The following NRG4 variants were observed in gnomAD, a reference collection of about 807,000 sequenced individuals.
The protein encoded by NRG4 is pro-neuregulin-4, membrane-bound isoform.
A neutral mutation model predicts 15.0 loss-of-function variants in NRG4; 10 were observed. That is an observed-to-expected ratio of 0.67 (90% CI 0.41 to 1.13). The LOEUF (loss-of-function observed/expected upper bound fraction) is 1.13. Among genes scored for constraint, NRG4 ranks in the 50% most tolerant of loss-of-function variants. The probability of loss-of-function intolerance (pLI) is 0.00; values close to 1 mark genes in which losing one functional copy is unlikely to be tolerated. For synonymous variants in NRG4, 41 were observed against 50.1 expected, an observed-to-expected ratio of 0.82 and a Z score of 0.77; for missense variants, 139 against 140.2, an observed-to-expected ratio of 0.99 and a Z score of 0.04.
intron 5 of NRG4, among the ~76,000 whole-genome samples, chr15:75,943,924 G>A (rs1304114369): frequency 1.3e-5 from 2 of 149,268 alleles, no homozygotes; most frequent in African/African-American, 5.0e-5. Flanking sequence ...GCCCCTCACT[G>A]TCTTTGCTCA....
At chr15:75,936,328 G>A (rs1341594793), downstream of NRG4, 1 of 152,140 alleles carries the variant, frequency 6.6e-6, no homozygotes, top group African/African-American at 2.4e-5. Flanking sequence ...AATAAAATAA[G>A]CATTAGTAAT....
At chr15:75,996,202 A>T (rs1382130331) in intron 3 of NRG4, among the ~76,000 whole-genome samples, 2 of 152,164 alleles carry the variant, frequency 1.3e-5, no homozygotes, top group Non-Finnish European at 2.9e-5. Context: ...AAGAATGCTT[A>T]CTTTAGACAC....
chr15:75,994,370 T>G (rs60841857), intron 3 of NRG4, among the ~76,000 whole-genome samples: 3,233 of 152,280 alleles, frequency 0.021, 136 homozygotes, highest in African/African-American at 0.074. Flanking sequence ...CTGTGGTGAC[T>G]GCCTGCATGT....
At chr15:76,050,818 T>G (rs1259983750) in intron 4 of NRG4, among the ~76,000 whole-genome samples, 2 of 147,870 alleles carry the variant, frequency 1.4e-5, no homozygotes, top group East Asian at 1.9e-4. Flanking sequence ...ATTTTTTTTT[T>G]TTTAAGATAT....
intron 3 of NRG4, among the ~76,000 whole-genome samples, chr15:75,964,813 C>T (rs905987939): frequency 2.6e-4 from 40 of 152,108 alleles, no homozygotes; most frequent in African/African-American, 9.4e-4. Context: ...GTAGTCACAA[C>T]TACTCAGGAG....
chr15:75,948,847 G>C (rs1315993909), intron 5 of NRG4, among the ~76,000 whole-genome samples: 1 of 152,100 alleles, frequency 6.6e-6, no homozygotes, highest in Non-Finnish European at 1.5e-5. Flanking sequence ...CCAGGAGTTT[G>C]AGACTAGCCT....
chr15:75,992,242 T>A (rs1005487762), intron 3 of NRG4, among the ~76,000 whole-genome samples: 1 of 152,198 alleles, frequency 6.6e-6, no homozygotes, highest in Admixed American at 6.5e-5. Context: ...GTACTCATTA[T>A]GTACCTCACC....
intron 3 of NRG4, among the ~76,000 whole-genome samples, chr15:75,988,228 C>G (rs1279891988): frequency 1.3e-5 from 2 of 152,162 alleles, no homozygotes; most frequent in Admixed American, 6.5e-5. Context: ...CTCTGTCACC[C>G]AGGCTGGAGT....
At chr15:75,992,938 A>T (rs1413181458) in intron 3 of NRG4, among the ~76,000 whole-genome samples, 1 of 151,064 alleles carries the variant, frequency 6.6e-6, no homozygotes, top group African/African-American at 2.4e-5. Context: ...ACCACTTTTT[A>T]GCTATTATGG....
chr15:75,988,139 C>G (rs1228924350), intron 3 of NRG4, among the ~76,000 whole-genome samples: 2 of 152,198 alleles, frequency 1.3e-5, no homozygotes, highest in South Asian at 4.1e-4. Context: ...TCTATAGTTA[C>G]AGCATGTGTC....
chr15:76,050,597 A>ATTTTTTTTTT (rs35228253), intron 4 of NRG4, among the ~76,000 whole-genome samples: 13 of 108,954 alleles, frequency 1.2e-4, no homozygotes, highest in African/African-American at 3.8e-4. Flanking sequence ...CGCTCGGCTA[A>ATTTTTTTTTT]TTTTTTTTTT....
intron 4 of NRG4, among the ~76,000 whole-genome samples, chr15:76,051,809 G>T (rs1397374858): frequency 2.0e-5 from 3 of 150,104 alleles, no homozygotes; most frequent in Non-Finnish European, 4.4e-5. Context: ...CTGACCTTGT[G>T]ATCCGCCCAC....
chr15:76,020,931 T>C (rs2035131109), intron 5 of NRG4, among the ~76,000 whole-genome samples: 1 of 152,220 alleles, frequency 6.6e-6, no homozygotes, highest in African/African-American at 2.4e-5. Context: ...CCAGAAAATC[T>C]ATCTAAGATC....
rs2031163896 is a variant in NRG4, at chr15:75,943,049, G to C, written c.*589C>G. 1 of 152,132 alleles carries C rather than the reference G, an allele frequency of 6.6e-6. No individual in the cohort carries two copies. The highest frequency in any genetic ancestry group is 6.5e-5 in the Admixed American group (1 of 15,274). 9.4% of individuals were successfully genotyped at this position (152,132 alleles called of 1,614,324 possible). On this transcript the variant is annotated 3_prime_UTR_variant, in exon 6 of 6. Coordinates refer to ENST00000394907, the MANE Select transcript of NRG4 (RefSeq NM_138573.4). ...GTCAATCTTTTGCAGTCAAAATTTTGGGTTTTTGTTTCTTCCTTTGAGAGA... is the reference window on the plus strand; with the variant it reads ...GTCAATCTTTTGCAGTCAAAATTTTCGGTTTTTGTTTCTTCCTTTGAGAGA...
chr15:76,039,410 CAAT>C (rs1450212378), intron 4 of NRG4, among the ~76,000 whole-genome samples: 2 of 152,116 alleles, frequency 1.3e-5, no homozygotes, highest in South Asian at 4.2e-4. Context: ...ATAAATTTAA[CAAT>C]GAGATTAAAA....
At chr15:75,936,474 C>G (rs543007423), downstream of NRG4, 102 of 152,272 alleles carry the variant, frequency 6.7e-4, no homozygotes, top group African/African-American at 2.2e-3. Context: ...ATATATTTAA[C>G]TTCTACCCTA....
intron 4 of NRG4, among the ~76,000 whole-genome samples, chr15:76,046,501 G>A (rs1469051091): frequency 2.0e-5 from 3 of 151,090 alleles, no homozygotes; most frequent in Non-Finnish European, 4.4e-5. Context: ...CATAAAAACA[G>A]ACACATAGAC....
chr15:76,048,343 A>C (rs1347184337), intron 4 of NRG4, among the ~76,000 whole-genome samples: 5 of 149,686 alleles, frequency 3.3e-5, no homozygotes, highest in African/African-American at 1.3e-4. Context: ...GTGGTGGTGC[A>C]TGCCTGTAAT....
At chr15:76,023,785 T>A (rs2035229949) in intron 5 of NRG4, among the ~76,000 whole-genome samples, 2 of 152,160 alleles carry the variant, frequency 1.3e-5, no homozygotes, top group South Asian at 4.1e-4. Flanking sequence ...GTTGCAAATC[T>A]GGTCCTACAC....
Sources: gnomAD v4.1 joint callset for allele counts (sites outside exome capture counted in the v4.1 genomes callset) on GRCh38, gnomAD v4.1.1 for gene constraint, MANE v1.5 for transcripts, NCBI Gene and HGNC (gene_info 2026-07-23, HGNC 2026-07-21) for gene names.